The following EWSR1 variants were observed in gnomAD, a reference collection of about 807,000 sequenced individuals.
The protein encoded by EWSR1 is RNA-binding protein EWS.
A neutral mutation model predicts 92.1 loss-of-function variants in EWSR1; 14 were observed. The ratio of observed to expected loss-of-function variants is 0.15; its 90% CI spans 0.10 to 0.24. EWSR1 has a LOEUF of 0.24. Among genes scored for constraint, EWSR1 ranks in the 10% least tolerant of loss-of-function variants. The pLI is 1.00. For synonymous variants in EWSR1, 303 were observed against 292.9 expected (o/e 1.03, Z -0.35); for missense variants, 637 against 870.9 (o/e 0.73, Z 3.38).
intron 6 of EWSR1, among the ~76,000 whole-genome samples, chr22:29,284,933 C>T (rs1287524796): frequency 2.6e-5 from 4 of 151,126 alleles, no homozygotes; most frequent in Non-Finnish European, 2.9e-5. Flanking sequence ...GATTCTCCTA[C>T]GTCAGCCTCC....
rs572476103 is a variant in EWSR1, at chr22:29,296,494, C to G, written c.1294+126C>G. 6.9e-5 allele frequency: 78 copies of G among 1,132,312 alleles called. No homozygotes were observed. The African/African-American group carries it at 1.0e-3, about 15-fold the overall frequency. 70.1% of individuals were successfully genotyped at this position (1,132,312 alleles called of 1,614,324 possible). ...CCTGGGGGAGGTAGATGGCCGGTCT[C>G]CCTGCAGTAGTAGTAGCACCCAGCC... On this transcript the variant is annotated intron_variant, in intron 12 of 16. Transcript: ENST00000397938.
intron 4 of EWSR1, chr22:29,274,398 C>A: frequency 1.7e-6 from 2 of 1,145,026 alleles, no homozygotes; most frequent in Non-Finnish European, 2.6e-6. Context: ...TAACATCACA[C>A]ACAGCAAGGT....
chr22:29,284,440 T>G (rs2059862099), intron 6 of EWSR1, among the ~76,000 whole-genome samples: 1 of 151,422 alleles, frequency 6.6e-6, no homozygotes, highest in African/African-American at 2.5e-5. Flanking sequence ...TGATTGGGTG[T>G]CTCTCCATAC....
intron 5 of EWSR1, among the ~76,000 whole-genome samples, chr22:29,278,889 G>T (rs969395894): frequency 6.6e-6 from 1 of 152,072 alleles, no homozygotes; most frequent in African/African-American, 2.4e-5. Context: ...CAGCTACTGG[G>T]GAGGCTGAGG....
Position 29,292,114 on chromosome 22 carries a change from A to T in EWSR1, c.1013-23A>T, listed in dbSNP as rs2060484985. On this transcript the variant is annotated intron_variant, in intron 9 of 16. Coordinates refer to ENST00000397938, the MANE Select transcript of EWSR1 (RefSeq NM_005243.4). ...GCAAGACGTGCACTAATAATATTTT[A>T]TATGATCTTTCCTGGTTGGCAGGAC... is the stretch of plus-strand genomic sequence containing the variant. The T allele has an allele frequency of 6.2e-7, 1 of 1,611,328 alleles. No individual in the cohort carries two copies. Among genetic ancestry groups the T allele is most frequent in the Non-Finnish European group, 8.5e-7 (1 of 1,177,566 alleles).
chr22:29,282,760 CTT>C (rs1228739280), intron 6 of EWSR1, among the ~76,000 whole-genome samples: 8 of 142,414 alleles, frequency 5.6e-5, no homozygotes, highest in Admixed American at 1.4e-4. Flanking sequence ...ATTCTTTTTT[CTT>C]TTTTTTTTTT....
intron 5 of EWSR1, among the ~76,000 whole-genome samples, chr22:29,278,994 CAAA>C (rs566817278): frequency 8.0e-6 from 1 of 124,856 alleles, no homozygotes; most frequent in Non-Finnish European, 1.7e-5. Flanking sequence ...GACTTCACCT[CAAA>C]AAAAAAAAAA....
intron 4 of EWSR1, chr22:29,276,631 CT>C (rs200136478): frequency 4.0e-4 from 89 of 223,720 alleles, no homozygotes; most frequent in Non-Finnish European, 5.3e-4. Flanking sequence ...GAGATGTAGA[CT>C]TTTTTTTTGG....
chr22:29,272,267 TA>T lies in EWSR1; in HGVS notation c.50+16del. The stretch of plus-strand genomic sequence containing the variant: ...GCGCAGCAGGGGTAAGTCAGTCTTT[TA>T]TAACCGTATTTTGTGTGTGATTAAT... On this transcript the variant is annotated intron_variant, in intron 2 of 16. Coordinates refer to ENST00000397938, the MANE Select transcript of EWSR1 (RefSeq NM_005243.4). 6.2e-7 allele frequency: 1 copy of T among 1,614,110 alleles called. No individual in the cohort carries two copies. Among genetic ancestry groups the T allele is most frequent in the Non-Finnish European group, 8.5e-7 (1 of 1,179,934 alleles).
chr22:29,281,538 CA>C (rs1372897283), intron 5 of EWSR1, among the ~76,000 whole-genome samples: 1 of 152,026 alleles, frequency 6.6e-6, no homozygotes, highest in Non-Finnish European at 1.5e-5. Context: ...CTCCTGGGCT[CA>C]AACCATCCTC....
intron 4 of EWSR1, chr22:29,276,886 A>G (rs2059163768): frequency 4.3e-6 from 1 of 231,096 alleles, no homozygotes; most frequent in Non-Finnish European, 8.6e-6. Flanking sequence ...TCCTAAACTC[A>G]AGCAGTCCTC....
In EWSR1 at chr22:29,299,273, C is replaced by T. The variant is rs1230725809; in HGVS notation, c.1620C>T (p.Cys540=). The T allele has an allele frequency of 1.9e-6, 3 of 1,613,964 alleles. No individual in the cohort carries two copies. The highest frequency in any genetic ancestry group is 2.5e-6 in the Non-Finnish European group (3 of 1,179,960). ...GNQNFAWRTE[C]NQCKAPKPEG... ...AGAACTTCGCCTGGAGAACAGAGTG[C>T]AACCAGTGTAAGGCCCCAAAGCCTG... is the stretch of plus-strand genomic sequence containing the variant. Residue 540 remains cysteine, a synonymous_variant, in exon 15 of 17, where the codon TGC becomes TGT. Coordinates refer to ENST00000397938, the MANE Select transcript of EWSR1 (RefSeq NM_005243.4).
intron 7 of EWSR1, 101 bp from the exon 8 acceptor site, chr22:29,288,493 ATGGTGCCTTGGT>A: frequency 1.0e-6 from 1 of 972,824 alleles, no homozygotes; most frequent in Non-Finnish European, 1.5e-6. Context: ...TGTAAAGAAG[ATGGTGCCTTGGT>A]TAGTGCCTTG....
rs187539242 is a variant in EWSR1, at chr22:29,275,286, G to A, written c.226+1422G>A. Among the ~76,000 whole-genome samples, 10 of 152,230 alleles carry A rather than the reference G, an allele frequency of 6.6e-5. No homozygotes were observed. In the East Asian group the frequency reaches 1.5e-3, roughly 23 times the overall value. The stretch of plus-strand genomic sequence containing the variant: ...TAATGTGGCCTAGATCTAGCCTTCC[G>A]AATCCTTAGATCATTTTACAGGAAT... On this transcript the variant is annotated intron_variant, in intron 4 of 16. Transcript: ENST00000397938.
chr22:29,298,941 C>G lies in EWSR1; in HGVS notation c.1580+46C>G, dbSNP rs1214582255. 3.3e-6 allele frequency: 5 copies of G among 1,495,544 alleles called. No homozygotes were observed. The South Asian group carries it at 6.7e-5, about 20-fold the overall frequency. The allele number at this position is 1,495,544 out of a possible 1,614,324, so 92.6% of individuals were successfully genotyped here. On this transcript the variant is annotated intron_variant, in intron 14 of 16. Coordinates refer to ENST00000397938, the MANE Select transcript of EWSR1 (RefSeq NM_005243.4). ...ATTGATACCCTACGAGTGAAGCCAC[C>G]CTTCCCTCACCCCATCCCCACTCTA...
chr22:29,278,836 A>AC (rs1035431253), intron 5 of EWSR1, among the ~76,000 whole-genome samples: 2 of 151,490 alleles, frequency 1.3e-5, no homozygotes, highest in African/African-American at 2.4e-5. Flanking sequence ...AAAAAAAAAA[A>AC]ATAGAAAAAT....
chr22:29,272,858 C>G (rs1445083535), intron 3 of EWSR1, among the ~76,000 whole-genome samples: 1 of 152,162 alleles, frequency 6.6e-6, no homozygotes, highest in Non-Finnish European at 1.5e-5. Flanking sequence ...AAACTGGCGA[C>G]CTAGCCAAGG....
At position 29,288,633 on chromosome 22, in the gene EWSR1, G is replaced by A; in HGVS notation, c.821G>A (p.Ser274Asn). The A allele has an allele frequency of 1.2e-6, 2 of 1,613,304 alleles. No homozygotes were observed. The highest frequency in any genetic ancestry group is 1.7e-6 in the Non-Finnish European group (2 of 1,179,786). ...QSSFRQDHPSSMGVYGQESGG... is the reference protein window; with the variant it reads ...QSSFRQDHPSNMGVYGQESGG... ...TCATTCCGACAGGACCACCCCAGTA[G>A]CATGGGTGTTTATGGGCAGGAGTCT... Residue 274 changes from serine (S) to asparagine (N), a missense_variant, in exon 8 of 17, where the codon AGC becomes AAC. By Grantham distance (46) the Ser-to-Asn change is conservative. Transcript: ENST00000397938.
chr22:29,290,242 T>C, intron 8 of EWSR1: 2 of 569,862 alleles, frequency 3.5e-6, no homozygotes, highest in East Asian at 3.0e-5. Context: ...GGCATTTCCC[T>C]CGTTGCCCCC....
Sources: gnomAD v4.1 joint callset for allele counts (sites outside exome capture counted in the v4.1 genomes callset) on GRCh38, gnomAD v4.1.1 for gene constraint, MANE v1.5 for transcripts, NCBI Gene and HGNC (gene_info 2026-07-23, HGNC 2026-07-21) for gene names.